Variants in ASIC2 observed in about 807,000 individuals in gnomAD.
The protein encoded by ASIC2 is acid-sensing ion channel 2.
ASIC2 carries 25 observed loss-of-function variants against 57.3 expected under a neutral mutation model. The observed-to-expected ratio is 0.44, with a 90% confidence interval of 0.32 to 0.61. The LOEUF is 0.61. Ranked by LOEUF, ASIC2 falls within the 20% of genes least tolerant of loss-of-function variation. ASIC2 has a pLI of 0.06. For missense variants in ASIC2, 641 were observed against 738.1 expected (o/e 0.87, Z 1.52); for synonymous variants, 319 against 307.5 (o/e 1.04, Z -0.39).
intron 1 of ASIC2, among the ~76,000 whole-genome samples, chr17:33,569,849 T>A (rs981227365): frequency 6.6e-6 from 1 of 152,230 alleles, no homozygotes; most frequent in Non-Finnish European, 1.5e-5. Context: ...ATGTGTCGCA[T>A]GTTAGAAGCA....
At chr17:33,042,472 A>C (rs2141918856) in intron 3 of ASIC2, among the ~76,000 whole-genome samples, 1 of 152,368 alleles carries the variant, frequency 6.6e-6, no homozygotes, top group Non-Finnish European at 1.5e-5. Flanking sequence ...ACTGTAGATT[A>C]ACTGATGGTA....
chr17:33,635,874 A>T lies in ASIC2; in HGVS notation c.555+520104T>A, dbSNP rs995096947. ...CACATAAGGGTATGCTAAGGCACAC[A>T]CAAGGATGCTCACTGCAACTGCAAA... On this transcript the variant is annotated intron_variant, in intron 1 of 9. Coordinates refer to the ASIC2 transcript ENST00000359872. Among the ~76,000 whole-genome samples, 3 of 152,226 alleles carry T rather than the reference A, an allele frequency of 2.0e-5. No homozygotes were observed. In the East Asian group the frequency reaches 5.8e-4, roughly 29 times the overall value.
At chr17:33,865,748 TAAAAAAAAAATAAA>T (rs1474655253) in intron 1 of ASIC2, among the ~76,000 whole-genome samples, 14 of 52,434 alleles carry the variant, frequency 2.7e-4, no homozygotes, top group Admixed American at 6.6e-4. Flanking sequence ...TAGAGTATAA[TAAAAAAAAAATAAA>T]AAAAAAAAAC....
chr17:34,039,777 A>G lies in ASIC2; in HGVS notation c.555+116201T>C. On this transcript the variant is annotated intron_variant, in intron 1 of 9. Transcript: ENST00000359872. ...TGCACAAGCTCTGGTTGGAAGACTCACTATTAAGTGGTCCCTTACTAACAC... is the reference window on the plus strand; with the variant it reads ...TGCACAAGCTCTGGTTGGAAGACTCGCTATTAAGTGGTCCCTTACTAACAC... 4 of 1,611,604 alleles carry G rather than the reference A, an allele frequency of 2.5e-6. No homozygotes were observed. In the South Asian group the frequency reaches 4.4e-5, roughly 18 times the overall value.
intron 1 of ASIC2, among the ~76,000 whole-genome samples, chr17:33,118,910 C>CT (rs1198801969): frequency 6.6e-6 from 1 of 152,120 alleles, no homozygotes; most frequent in East Asian, 1.9e-4. Context: ...AGATGCCAGC[C>CT]TCTGGGCTTG....
intron 2 of ASIC2, among the ~76,000 whole-genome samples, chr17:33,100,711 C>A (rs986738058): frequency 1.3e-5 from 2 of 152,206 alleles, no homozygotes; most frequent in Non-Finnish European, 2.9e-5. Context: ...AAAACCTGGA[C>A]TGGGCCCTTC....
chr17:33,061,772 C>T (rs2092021799), intron 3 of ASIC2, among the ~76,000 whole-genome samples: 1 of 152,164 alleles, frequency 6.6e-6, no homozygotes, highest in Non-Finnish European at 1.5e-5. Context: ...TAGATTTTGG[C>T]TGTGAATCCA....
At chr17:33,829,736 T>C (rs551431583) in intron 1 of ASIC2, among the ~76,000 whole-genome samples, 62 of 152,226 alleles carry the variant, frequency 4.1e-4, no homozygotes, top group African/African-American at 1.4e-3. Context: ...GGCTAATTTT[T>C]GTAGTTTTAG....
chr17:33,859,308 T>C (rs1914043925), intron 1 of ASIC2, among the ~76,000 whole-genome samples: 1 of 152,094 alleles, frequency 6.6e-6, no homozygotes, highest in Non-Finnish European at 1.5e-5. Context: ...CACAATAAAA[T>C]TGATTCCAAT....
intron 1 of ASIC2, among the ~76,000 whole-genome samples, chr17:33,777,290 G>T (rs866020736): frequency 5.3e-5 from 8 of 152,240 alleles, no homozygotes; most frequent in Non-Finnish European, 1.0e-4. Context: ...TGGGGAAAAA[G>T]AGCATGTGTA....
chr17:33,803,124 G>T (rs1912176232), intron 1 of ASIC2, among the ~76,000 whole-genome samples: 1 of 152,176 alleles, frequency 6.6e-6, no homozygotes, highest in Non-Finnish European at 1.5e-5. Context: ...TCAACTTGGG[G>T]TTAAGTGTGG....
chr17:33,763,326 G>T (rs1910841234), intron 1 of ASIC2, among the ~76,000 whole-genome samples: 1 of 152,140 alleles, frequency 6.6e-6, no homozygotes, highest in Non-Finnish European at 1.5e-5. Context: ...CTCATGATCT[G>T]GTCACTCTGT....
At chr17:33,841,925 C>A (rs536290461) in intron 1 of ASIC2, among the ~76,000 whole-genome samples, 2 of 152,076 alleles carry the variant, frequency 1.3e-5, no homozygotes, top group African/African-American at 4.8e-5. Flanking sequence ...ACAGAAGAGC[C>A]GCCTTATATA....
chr17:33,033,109 G>C (rs1376720575), intron 3 of ASIC2, among the ~76,000 whole-genome samples: 4 of 152,182 alleles, frequency 2.6e-5, no homozygotes, highest in African/African-American at 9.7e-5. Flanking sequence ...GGCAGTGGCT[G>C]CTTACATTAT....
intron 1 of ASIC2, among the ~76,000 whole-genome samples, chr17:33,197,905 C>G (rs143114854): frequency 2.9e-3 from 437 of 152,282 alleles, no homozygotes; most frequent in African/African-American, 0.01. Context: ...GGATTCAAAA[C>G]TTGCAAATAT....
chr17:33,329,592 G>A (rs947458732), intron 1 of ASIC2, among the ~76,000 whole-genome samples: 3 of 152,164 alleles, frequency 2.0e-5, no homozygotes, highest in Non-Finnish European at 4.4e-5. Context: ...TCCCCATAGG[G>A]TCACCAGTTA....
At chr17:33,049,961 ACTAT>A (rs1310036548) in intron 3 of ASIC2, among the ~76,000 whole-genome samples, 2 of 152,150 alleles carry the variant, frequency 1.3e-5, no homozygotes, top group Non-Finnish European at 2.9e-5. Flanking sequence ...GTGCCACTGG[ACTAT>A]CTGTCTCCTG....
chr17:33,468,760 C>A (rs779656347), intron 1 of ASIC2, among the ~76,000 whole-genome samples: 1 of 151,478 alleles, frequency 6.6e-6, no homozygotes, highest in African/African-American at 2.4e-5. Context: ...AAGCAATGTT[C>A]TTTAAGGGCA....
chr17:33,749,375 C>G (rs1910361753), intron 1 of ASIC2, among the ~76,000 whole-genome samples: 1 of 151,994 alleles, frequency 6.6e-6, no homozygotes. Flanking sequence ...CTCTGTGGAG[C>G]ACAGGAGTGC....
Sources: allele counts gnomAD v4.1 joint callset (sites outside exome capture counted in the v4.1 genomes callset), GRCh38; gene constraint gnomAD v4.1.1; transcripts MANE v1.5; gene names NCBI Gene and HGNC (gene_info 2026-07-23, HGNC 2026-07-21).